Variants in SLC49A4 observed in about 807,000 individuals in gnomAD.
SLC49A4 encodes disrupted in renal cancer protein 2.
A neutral mutation model predicts 50.6 loss-of-function variants in SLC49A4; 36 were observed. The observed-to-expected ratio is 0.71, with a 90% CI of 0.55 to 0.94. The LOEUF (loss-of-function observed/expected upper bound fraction) is 0.94. SLC49A4 is among the 40% of genes least tolerant of loss of function. The pLI is 0.00. For synonymous variants in SLC49A4, 248 were observed against 241.2 expected (o/e 1.03, Z -0.26); for missense variants, 503 against 605.7 (o/e 0.83, Z 1.78).
At chr3:122,842,905 C>T (rs1936793099) in intron 4 of SLC49A4, among the ~76,000 whole-genome samples, 1 of 152,200 alleles carries the variant, frequency 6.6e-6, no homozygotes, top group Non-Finnish European at 1.5e-5. Flanking sequence ...ATGCCCCATT[C>T]CCTTCCTACC....
intron 4 of SLC49A4, among the ~76,000 whole-genome samples, chr3:122,839,612 C>G (rs763465250): frequency 4.6e-5 from 7 of 151,974 alleles, no homozygotes; most frequent in Non-Finnish European, 7.4e-5. Flanking sequence ...AGAAGACATA[C>G]AAACACTAAC....
In SLC49A4 at chr3:122,860,074, G is replaced by A; in HGVS notation, c.1011-1G>A. 1 of 1,600,238 alleles carries A rather than the reference G, an allele frequency of 6.2e-7. No homozygotes were observed. The highest frequency in any genetic ancestry group is 8.5e-7 in the Non-Finnish European group (1 of 1,175,180). The stretch of plus-strand genomic sequence containing the variant: ...AATTAATAGAGCATTTTTGTTTTTA[G>A]GTTTGCAGATTTTATCAGGGGTATG... On this transcript the variant is annotated splice_acceptor_variant, in intron 6 of 8. Transcript: ENST00000261038. LOFTEE classifies it high-confidence loss of function.
intron 1 of SLC49A4, among the ~76,000 whole-genome samples, chr3:122,800,574 AAG>A (rs1293547051): frequency 6.6e-6 from 1 of 152,178 alleles, no homozygotes; most frequent in Non-Finnish European, 1.5e-5. Flanking sequence ...GTTCTATAAA[AAG>A]GGGAAAATTG....
intron 3 of SLC49A4, among the ~76,000 whole-genome samples, chr3:122,830,356 C>G (rs1444077302): frequency 6.6e-6 from 1 of 152,080 alleles, no homozygotes; most frequent in Non-Finnish European, 1.5e-5. Context: ...CAGCAATATC[C>G]AAAACAATCT....
chr3:122,860,313 CAA>C, intron 7 of SLC49A4, 111 bp downstream of exon 7: 1 of 1,130,230 alleles, frequency 8.8e-7, no homozygotes, highest in South Asian at 2.8e-5. Flanking sequence ...GTTAAATATA[CAA>C]AAAAGTTTCT....
chr3:122,795,178 G>C lies in SLC49A4; in HGVS notation c.-15G>C, dbSNP rs1371847690. 1.5e-6 allele frequency: 2 copies of C among 1,313,850 alleles called. No individual in the cohort carries two copies. Among genetic ancestry groups the C allele is most frequent in the Non-Finnish European group, 1.9e-6 (2 of 1,040,748 alleles). The allele number at this position is 1,313,850 out of a possible 1,614,324, so 81.4% of individuals were successfully genotyped here. The stretch of plus-strand genomic sequence containing the variant: ...GGACTGCGCCCGGCAGTGGCTTCGC[G>C]GGCGACGCGTCGCCATGGGCTCTCG... On this transcript the variant is annotated 5_prime_UTR_variant, in exon 1 of 9. Coordinates refer to ENST00000261038, the MANE Select transcript of SLC49A4 (RefSeq NM_032839.3).
intron 5 of SLC49A4, among the ~76,000 whole-genome samples, chr3:122,854,343 C>A (rs867225751): frequency 1.3e-5 from 2 of 152,242 alleles, no homozygotes; most frequent in African/African-American, 2.4e-5. Context: ...ATAGGCTATG[C>A]TCCTGGGAGA....
chr3:122,837,524 C>T (rs1936705111), intron 4 of SLC49A4, among the ~76,000 whole-genome samples: 1 of 152,166 alleles, frequency 6.6e-6, no homozygotes, highest in Non-Finnish European at 1.5e-5. Context: ...AAAGCTGAAA[C>T]TGGATCCCTT....
At chr3:122,812,651 A>G (rs1484608189) in intron 2 of SLC49A4, among the ~76,000 whole-genome samples, 4 of 152,150 alleles carry the variant, frequency 2.6e-5, no homozygotes, top group South Asian at 2.1e-4. Flanking sequence ...CTAGTCTTAT[A>G]CTCATTTAAA....
chr3:122,867,710 G>A (rs1057216165), intron 7 of SLC49A4, among the ~76,000 whole-genome samples: 2 of 152,346 alleles, frequency 1.3e-5, no homozygotes, highest in Non-Finnish European at 2.9e-5. Flanking sequence ...GGCTAGGCAC[G>A]GTGGCTCACG....
intron 4 of SLC49A4, among the ~76,000 whole-genome samples, chr3:122,844,499 G>A (rs914559006): frequency 2.6e-5 from 4 of 151,882 alleles, no homozygotes; most frequent in Non-Finnish European, 5.9e-5. Context: ...TTCAAGAAGC[G>A]AGCCAGGTGC....
intron 5 of SLC49A4, among the ~76,000 whole-genome samples, chr3:122,854,641 G>A (rs1576307375): frequency 6.6e-6 from 1 of 152,202 alleles, no homozygotes; most frequent in Non-Finnish European, 1.5e-5. Context: ...ACCTGGAGGT[G>A]GCACACTTCA....
intron 3 of SLC49A4, among the ~76,000 whole-genome samples, chr3:122,828,704 G>A (rs972416653): frequency 2.6e-5 from 4 of 152,130 alleles, no homozygotes; most frequent in African/African-American, 9.7e-5. Context: ...AAAACTGAAA[G>A]CAAGGGTAGC....
intron 6 of SLC49A4, among the ~76,000 whole-genome samples, chr3:122,858,476 A>G (rs1937017379): frequency 6.6e-6 from 1 of 152,156 alleles, no homozygotes; most frequent in African/African-American, 2.4e-5. Context: ...AAACTTTTTC[A>G]GCATACCTAA....
chr3:122,806,974 T>A, intron 2 of SLC49A4, 24 bp downstream of exon 2: 2 of 1,376,480 alleles, frequency 1.5e-6, no homozygotes, highest in Admixed American at 1.8e-5. Flanking sequence ...ATAACATTTC[T>A]CCCCCATTTT....
intron 7 of SLC49A4, among the ~76,000 whole-genome samples, chr3:122,864,623 G>A (rs1444672745): frequency 6.6e-6 from 1 of 152,172 alleles, no homozygotes; most frequent in Non-Finnish European, 1.5e-5. Flanking sequence ...GAGTAAGGAA[G>A]GACAACTAGC....
chr3:122,861,449 T>C (rs1267271964), intron 7 of SLC49A4, among the ~76,000 whole-genome samples: 1 of 152,224 alleles, frequency 6.6e-6, no homozygotes, highest in Non-Finnish European at 1.5e-5. Context: ...ATTATATATT[T>C]AATTATAGGA....
chr3:122,802,130 C>T (rs1046396019), intron 1 of SLC49A4, among the ~76,000 whole-genome samples: 3 of 152,008 alleles, frequency 2.0e-5, no homozygotes, highest in Non-Finnish European at 2.9e-5. Context: ...TGGGCAACAT[C>T]GTGAGACCCT....
intron 1 of SLC49A4, among the ~76,000 whole-genome samples, chr3:122,800,141 G>GA (rs1450834552): frequency 6.6e-6 from 1 of 152,166 alleles, no homozygotes; most frequent in African/African-American, 2.4e-5. Flanking sequence ...AAAGAAAAAA[G>GA]AAAAATATAA....
Sources: gnomAD v4.1 joint callset for allele counts (sites outside exome capture counted in the v4.1 genomes callset) on GRCh38, gnomAD v4.1.1 for gene constraint, MANE v1.5 for transcripts, NCBI Gene and HGNC (gene_info 2026-07-23, HGNC 2026-07-21) for gene names.